ABHD17C: variants seen among roughly 807,000 people sequenced by gnomAD.
The protein encoded by ABHD17C is alpha/beta hydrolase domain-containing protein 17C.
In ABHD17C, 11 loss-of-function variants were observed where a neutral mutation model predicts 27.9. That is an observed-to-expected ratio of 0.39 (90% CI 0.25 to 0.65). ABHD17C has a LOEUF of 0.65. ABHD17C is among the 30% of genes least tolerant of loss of function. The pLI is 0.45. For missense variants in ABHD17C, 280 were observed against 470.2 expected (o/e 0.60, Z 3.74); for synonymous variants, 233 against 209.1 (o/e 1.11, Z -0.98).
In ABHD17C at chr15:80,754,218, G is replaced by A. The variant is rs766884861; in HGVS notation, c.838G>A (p.Asp280Asn). 5 of 1,613,894 alleles carry A rather than the reference G, an allele frequency of 3.1e-6. No individual in the cohort carries two copies. Among genetic ancestry groups the A allele is most frequent in the East Asian group, 4.5e-5 (2 of 44,870 alleles). ...TCATGGTACAGAGGATGAGGTCATCGATTTCTCCCATGGCCTAGCGATGTA... is the reference window on the plus strand; with the variant it reads ...TCATGGTACAGAGGATGAGGTCATCAATTTCTCCCATGGCCTAGCGATGTA... ...VIHGTEDEVI[D>N]FSHGLAMYER... The change falls in exon 3 of 3, where the codon GAT becomes AAT. Residue 280 changes from aspartate to asparagine, a missense_variant. Transcript: ENST00000258884.
chr15:80,746,356 A>C (rs1895283818), intron 1 of ABHD17C, among the ~76,000 whole-genome samples: 1 of 151,752 alleles, frequency 6.6e-6, no homozygotes, highest in Non-Finnish European at 1.5e-5. Flanking sequence ...ATATTTTCCC[A>C]CTTGGTGGCT....
At chr15:80,712,808 T>C (rs560390191) in intron 1 of ABHD17C, among the ~76,000 whole-genome samples, 1 of 152,328 alleles carries the variant, frequency 6.6e-6, no homozygotes. Context: ...TTTTTCTAAA[T>C]CTATAGTTTT....
chr15:80,705,333 T>TGTG (rs1555421865), intron 1 of ABHD17C, among the ~76,000 whole-genome samples: 1 of 106,822 alleles, frequency 9.4e-6, no homozygotes, highest in African/African-American at 3.5e-5. Flanking sequence ...TTCCTATGAT[T>TGTG]TGTGTGTGTG....
At chr15:80,751,066 T>G (rs1423969402) in intron 2 of ABHD17C, among the ~76,000 whole-genome samples, 1 of 151,998 alleles carries the variant, frequency 6.6e-6, no homozygotes, top group Non-Finnish European at 1.5e-5. Flanking sequence ...ATGAAGTTTG[T>G]CAGCTGGGCG....
intron 1 of ABHD17C, among the ~76,000 whole-genome samples, chr15:80,725,748 G>T (rs1316299378): frequency 6.6e-6 from 1 of 152,104 alleles, no homozygotes; most frequent in Non-Finnish European, 1.5e-5. Context: ...GAACTCCTGT[G>T]ATCCTCCCAC....
intron 1 of ABHD17C, among the ~76,000 whole-genome samples, chr15:80,707,563 C>CG (rs1555421974): frequency 1.2e-3 from 134 of 116,070 alleles, no homozygotes; most frequent in African/African-American, 3.7e-3. Context: ...AGCTGATGAG[C>CG]CCCCCCTCAA....
At chr15:80,714,512 G>A (rs931998848) in intron 1 of ABHD17C, among the ~76,000 whole-genome samples, 5 of 152,328 alleles carry the variant, frequency 3.3e-5, no homozygotes, top group Middle Eastern at 3.4e-3. Context: ...GCCTGACCCT[G>A]GAGCCTATGC....
chr15:80,708,664 C>T (rs1234910531), intron 1 of ABHD17C, among the ~76,000 whole-genome samples: 1 of 152,164 alleles, frequency 6.6e-6, no homozygotes, highest in Non-Finnish European at 1.5e-5. Flanking sequence ...CTTAACTCTG[C>T]GTGGTCAGCT....
At chr15:80,708,045 C>T (rs553419635) in intron 1 of ABHD17C, among the ~76,000 whole-genome samples, 1 of 152,298 alleles carries the variant, frequency 6.6e-6, no homozygotes, top group East Asian at 1.9e-4. Flanking sequence ...ACCTGGGCCC[C>T]GGGCACTGTC....
Position 80,695,537 on chromosome 15 carries a change from G to A in ABHD17C, c.108G>A (p.Leu36=). 7.4e-7 allele frequency: 1 copy of A among 1,360,390 alleles called. No individual in the cohort carries two copies. The highest frequency in any genetic ancestry group is 9.6e-7 in the Non-Finnish European group (1 of 1,043,116). 84.3% of individuals were successfully genotyped at this position (1,360,390 alleles called of 1,614,324 possible). ...PSRIAAKLAF[L]PPEPTYTVLA... ...GCATCGCCGCCAAGCTGGCCTTCCT[G>A]CCGCCCGAGCCCACCTACACGGTGC... The change falls in exon 1 of 3, where the codon CTG becomes CTA. Residue 36 remains leucine, a synonymous_variant. Coordinates refer to ENST00000258884, the MANE Select transcript of ABHD17C (RefSeq NM_021214.2). This position sits in a 1 kb window ranked among gnomAD's most constrained non-coding sequence, Gnocchi z 4.3.
At chr15:80,726,994 G>A (rs1894989747) in intron 1 of ABHD17C, among the ~76,000 whole-genome samples, 1 of 152,200 alleles carries the variant, frequency 6.6e-6, no homozygotes, top group South Asian at 2.1e-4. Context: ...CTAGTGCTGG[G>A]AGTTGAAATA....
At chr15:80,705,333 T>TTTTG (rs10523879) in intron 1 of ABHD17C, among the ~76,000 whole-genome samples, 12 of 106,822 alleles carry the variant, frequency 1.1e-4, no homozygotes, top group South Asian at 1.1e-3. Context: ...TTCCTATGAT[T>TTTTG]TGTGTGTGTG....
intron 2 of ABHD17C, among the ~76,000 whole-genome samples, chr15:80,750,335 C>T (rs1354579809): frequency 6.6e-6 from 1 of 152,166 alleles, no homozygotes; most frequent in Non-Finnish European, 1.5e-5. Context: ...GAAGATCTCA[C>T]CCCTGCAGAG....
intron 1 of ABHD17C, among the ~76,000 whole-genome samples, chr15:80,710,830 G>C (rs545846222): frequency 6.6e-6 from 1 of 152,038 alleles, no homozygotes; most frequent in African/African-American, 2.4e-5. Context: ...CCCTGCCTCT[G>C]CCTCCCTAAG....
chr15:80,729,094 G>T (rs763636929), intron 1 of ABHD17C, among the ~76,000 whole-genome samples: 2 of 152,186 alleles, frequency 1.3e-5, no homozygotes, highest in Non-Finnish European at 2.9e-5. Flanking sequence ...GGTCTTCCTT[G>T]TTTATTATCG....
chr15:80,718,608 A>G (rs1894842390), intron 1 of ABHD17C, among the ~76,000 whole-genome samples: 1 of 152,336 alleles, frequency 6.6e-6, no homozygotes, highest in Non-Finnish European at 1.5e-5. Flanking sequence ...TGCTGGGATT[A>G]CAGGCATGAG....
chr15:80,728,705 T>C (rs1052371141), intron 1 of ABHD17C, among the ~76,000 whole-genome samples: 1 of 152,202 alleles, frequency 6.6e-6, no homozygotes, highest in African/African-American at 2.4e-5. Context: ...GTGAATCAAA[T>C]TGAGACTTTT....
intron 1 of ABHD17C, among the ~76,000 whole-genome samples, chr15:80,697,707 G>A (rs1413357204): frequency 1.3e-5 from 2 of 151,982 alleles, no homozygotes; most frequent in Middle Eastern, 3.2e-3. Context: ...TGTATCAGTT[G>A]AATTAAGGGT....
intron 2 of ABHD17C, among the ~76,000 whole-genome samples, chr15:80,752,162 T>C (rs574562958): frequency 4.5e-4 from 69 of 152,358 alleles, no homozygotes; most frequent in African/African-American, 1.7e-3. Context: ...CCCAGGCCCA[T>C]TGTAACTGTT....
Sources: gnomAD v4.1 joint callset for allele counts (sites outside exome capture counted in the v4.1 genomes callset) on GRCh38, gnomAD v4.1.1 for gene constraint, Gnocchi (gnomAD v3.1) non-coding constraint, MANE v1.5 for transcripts, NCBI Gene and HGNC (gene_info 2026-07-23, HGNC 2026-07-21) for gene names.